The following SLC9A9 variants were observed in gnomAD, a reference collection of about 807,000 sequenced individuals.
SLC9A9 encodes the protein sodium/hydrogen exchanger 9.
A neutral mutation model predicts 77.8 loss-of-function variants in SLC9A9; 62 were observed. That is an observed-to-expected ratio of 0.80 (90% CI 0.65 to 0.98). The LOEUF is 0.98. Among genes scored for constraint, SLC9A9 ranks in the 50% least tolerant of loss-of-function variants. The probability of loss-of-function intolerance (pLI) is 0.00; values close to 1 mark genes in which losing one functional copy is unlikely to be tolerated. For synonymous variants in SLC9A9, 320 were observed against 283.5 expected (o/e 1.13, Z -1.29); for missense variants, 775 against 774.9 (o/e 1.00, Z 0.00).
At chr3:143,760,086 T>C (rs1170450067) in intron 4 of SLC9A9, among the ~76,000 whole-genome samples, 2 of 152,178 alleles carry the variant, frequency 1.3e-5, no homozygotes, top group African/African-American at 4.8e-5. Flanking sequence ...TTGATAGTGT[T>C]ATAAATATAG....
intron 6 of SLC9A9, among the ~76,000 whole-genome samples, chr3:143,592,238 C>A (rs1356960552): frequency 6.6e-6 from 1 of 152,156 alleles, no homozygotes; most frequent in Non-Finnish European, 1.5e-5. Flanking sequence ...AACAAGAGGA[C>A]CTTGGTGGCT....
At chr3:143,632,097 T>C (rs1179733534) in intron 6 of SLC9A9, among the ~76,000 whole-genome samples, 1 of 152,156 alleles carries the variant, frequency 6.6e-6, no homozygotes, top group Non-Finnish European at 1.5e-5. Context: ...GACCTTTAAC[T>C]CCTTGTCTCA....
chr3:143,450,447 A>G (rs2034986402), intron 12 of SLC9A9, among the ~76,000 whole-genome samples: 1 of 151,756 alleles, frequency 6.6e-6, no homozygotes, highest in Admixed American at 6.6e-5. Flanking sequence ...TTGACTTTAG[A>G]AAAACGTACT....
chr3:143,832,318 A>G, intron 1 of SLC9A9, 97 bp from the exon 2 acceptor site: 1 of 1,089,754 alleles, frequency 9.2e-7, no homozygotes, highest in Non-Finnish European at 1.3e-6. Context: ...AAGTGACAGG[A>G]TAAAGTGTTG....
rs114181389 is a variant in SLC9A9 at position 143,415,359 on chromosome 3, A to C, written c.1470-33245T>G. On this transcript the variant is annotated intron_variant, in intron 12 of 15. Transcript: ENST00000316549. ...CTTTCATAGCTAGAGAAGAGAAGCCAAAGCCTGGCTTCAAAGCTTTAAAGG... is the reference window on the plus strand; with the variant it reads ...CTTTCATAGCTAGAGAAGAGAAGCCCAAGCCTGGCTTCAAAGCTTTAAAGG... 2.7e-3 allele frequency among the ~76,000 whole-genome samples: 409 copies of C among 152,344 alleles called. 2 individuals are homozygous for C. Among genetic ancestry groups the C allele is most frequent in the African/African-American group, 9.4e-3 (392 of 41,576 alleles).
intron 5 of SLC9A9, among the ~76,000 whole-genome samples, chr3:143,658,557 G>T (rs2038931787): frequency 6.6e-6 from 1 of 152,120 alleles, no homozygotes. Flanking sequence ...TCATATTTCT[G>T]TTGCTGATAT....
chr3:143,429,861 C>T (rs2034478525), intron 12 of SLC9A9, among the ~76,000 whole-genome samples: 1 of 152,196 alleles, frequency 6.6e-6, no homozygotes, highest in Non-Finnish European at 1.5e-5. Flanking sequence ...TGTGTTCTCT[C>T]ACTTGGCCAT....
At chr3:143,701,118 A>C (rs1933788530) in intron 4 of SLC9A9, among the ~76,000 whole-genome samples, 1 of 152,252 alleles carries the variant, frequency 6.6e-6, no homozygotes, top group African/African-American at 2.4e-5. Context: ...CCCCTGATGC[A>C]GATATGGCTT....
intron 2 of SLC9A9, among the ~76,000 whole-genome samples, chr3:143,824,911 G>T (rs1458341495): frequency 6.6e-6 from 1 of 152,168 alleles, no homozygotes; most frequent in African/African-American, 2.4e-5. Context: ...TAAGGTTTAG[G>T]ATGAAAGGAG....
intron 6 of SLC9A9, among the ~76,000 whole-genome samples, chr3:143,630,871 A>G (rs1560003160): frequency 1.3e-5 from 2 of 152,176 alleles, no homozygotes; most frequent in Non-Finnish European, 2.9e-5. Flanking sequence ...TAATTCAGAG[A>G]CTAGTTATGT....
At chr3:143,284,145 G>A (rs1253719760) in intron 14 of SLC9A9, among the ~76,000 whole-genome samples, 1 of 151,804 alleles carries the variant, frequency 6.6e-6, no homozygotes, top group East Asian at 1.9e-4. Context: ...AAAGCATCGA[G>A]TCGTTATACT....
At chr3:143,653,330 G>T (rs1030217666) in intron 5 of SLC9A9, among the ~76,000 whole-genome samples, 3 of 152,132 alleles carry the variant, frequency 2.0e-5, no homozygotes, top group Non-Finnish European at 4.4e-5. Flanking sequence ...TCAATATCTT[G>T]ATATTTAAAA....
At chr3:143,660,392 A>T (rs1290544012) in intron 5 of SLC9A9, among the ~76,000 whole-genome samples, 2 of 152,210 alleles carry the variant, frequency 1.3e-5, no homozygotes, top group Non-Finnish European at 2.9e-5. Flanking sequence ...GGAGCCAAGC[A>T]TGACCTCAAC....
chr3:143,747,567 G>A (rs1347243643), intron 4 of SLC9A9, among the ~76,000 whole-genome samples: 2 of 152,160 alleles, frequency 1.3e-5, no homozygotes, highest in African/African-American at 2.4e-5. Context: ...CACAGAGTGG[G>A]GGATATGAAG....
chr3:143,709,155 T>C (rs1015633345), intron 4 of SLC9A9, among the ~76,000 whole-genome samples: 2 of 152,304 alleles, frequency 1.3e-5, no homozygotes, highest in East Asian at 1.9e-4. Context: ...TCTTCTACTA[T>C]GTATTGCTAT....
At chr3:143,823,336 G>A (rs1260774198) in intron 2 of SLC9A9, among the ~76,000 whole-genome samples, 1 of 152,174 alleles carries the variant, frequency 6.6e-6, no homozygotes, top group Non-Finnish European at 1.5e-5. Context: ...GGAGCTATGA[G>A]ACTGCAGACC....
At chr3:143,467,784 A>T (rs1391818002) in intron 11 of SLC9A9, among the ~76,000 whole-genome samples, 1 of 150,178 alleles carries the variant, frequency 6.7e-6, no homozygotes, top group Non-Finnish European at 1.5e-5. Context: ...CACCACAAGG[A>T]TCCTTCACAT....
chr3:143,845,849 C>T (rs73008747), intron 1 of SLC9A9, among the ~76,000 whole-genome samples: 11,615 of 152,054 alleles, frequency 0.076, 1,385 homozygotes, highest in African/African-American at 0.25. Context: ...TTTTATAATC[C>T]TTTTACATTG....
intron 14 of SLC9A9, chr3:143,346,857 T>C (rs1426313204): frequency 5.9e-5 from 9 of 152,046 alleles, no homozygotes; most frequent in Admixed American, 5.2e-4. Flanking sequence ...ACTAACTATA[T>C]AGAAAATGAG....
Sources: allele counts gnomAD v4.1 joint callset (sites outside exome capture counted in the v4.1 genomes callset), GRCh38; gene constraint gnomAD v4.1.1; transcripts MANE v1.5; gene names NCBI Gene and HGNC (gene_info 2026-07-23, HGNC 2026-07-21).